The following ATL2 variants were observed in gnomAD, a reference collection of about 807,000 sequenced individuals.
The protein encoded by ATL2 is atlastin GTPase 2, also known as atlastin-2.
A neutral mutation model predicts 73.9 loss-of-function variants in ATL2; 31 were observed. That is an observed-to-expected ratio of 0.42 (90% CI 0.32 to 0.57). The LOEUF is 0.57. Among genes scored for constraint, ATL2 ranks in the 20% least tolerant of loss-of-function variants. The pLI, the probability that ATL2 is intolerant of heterozygous loss-of-function variation, is 0.14. For synonymous variants in ATL2, 291 were observed against 237.5 expected, an observed-to-expected ratio of 1.23 and a Z score of -2.07; for missense variants, 738 against 702.6, an observed-to-expected ratio of 1.05 and a Z score of -0.57.
chr2:38,368,248 T>G (rs113063028), intron 1 of ATL2, among the ~76,000 whole-genome samples: 18,329 of 83,792 alleles, frequency 0.22, 3,262 homozygotes, highest in African/African-American at 0.56. Context: ...AAATAAGGAC[T>G]TTTTTTTTTT....
chr2:38,307,470 G>C (rs572410818), intron 9 of ATL2, among the ~76,000 whole-genome samples: 10 of 151,420 alleles, frequency 6.6e-5, no homozygotes, highest in African/African-American at 2.4e-4. Context: ...CTGCAGTCCA[G>C]CCTGGGTGAC....
chr2:38,371,796 C>A (rs1671704551), intron 1 of ATL2, among the ~76,000 whole-genome samples: 1 of 151,946 alleles, frequency 6.6e-6, no homozygotes, highest in African/African-American at 2.4e-5. Context: ...TACTCAGGGG[C>A]TGAGGCACAA....
At chr2:38,311,579 T>C (rs193202173) in intron 7 of ATL2, among the ~76,000 whole-genome samples, 347 of 152,156 alleles carry the variant, frequency 2.3e-3, no homozygotes, top group African/African-American at 8.0e-3. Context: ...AAACATAATA[T>C]TGGGTAAAAA....
At chr2:38,341,830 T>C (rs1669737783) in intron 2 of ATL2, among the ~76,000 whole-genome samples, 3 of 152,220 alleles carry the variant, frequency 2.0e-5, no homozygotes, top group Non-Finnish European at 2.9e-5. Context: ...TGAGAATGTT[T>C]ACCTTATTTC....
rs1299052670 is a variant in ATL2 at position 38,294,170 on chromosome 2, G to A, written c.*1824C>T. Among the ~76,000 whole-genome samples, 1 of 152,202 alleles carries A rather than the reference G, an allele frequency of 6.6e-6. No individual in the cohort carries two copies. The highest frequency in any genetic ancestry group is 2.4e-5 in the African/African-American group (1 of 41,450). ...ATCCATATAAAAACAGAATCTGAAT[G>A]GGAGTGGGAGCGAAGATGTATCAAC... On this transcript the variant is annotated 3_prime_UTR_variant, in exon 13 of 13. Coordinates refer to ENST00000378954, the MANE Select transcript of ATL2 (RefSeq NM_001135673.4).
intron 2 of ATL2, among the ~76,000 whole-genome samples, chr2:38,326,175 C>T (rs75760404): frequency 0.035 from 5,317 of 152,256 alleles, 122 homozygotes; most frequent in African/African-American, 0.06. Context: ...AATATAATGA[C>T]AGTGGATTAC....
rs143757232 is a variant in ATL2, at chr2:38,312,244, T to C, written c.804+907A>G. 2.3e-3 allele frequency among the ~76,000 whole-genome samples: 356 copies of C among 152,248 alleles called. 2 individuals carry two copies. The highest frequency in any genetic ancestry group is 8.3e-3 in the African/African-American group (344 of 41,532). ...GCTCTATGTCCCCACCCAAATCTCA[T>C]CTCAAATTGTAATGCCCATGTGTCG... On this transcript the variant is annotated intron_variant, in intron 7 of 12. Transcript: ENST00000378954.
intron 2 of ATL2, among the ~76,000 whole-genome samples, chr2:38,325,528 C>T (rs1263473492): frequency 8.6e-5 from 13 of 151,824 alleles, no homozygotes; most frequent in South Asian, 2.1e-4. Flanking sequence ...AAAGTAATTA[C>T]GGAAGAAAGT....
intron 2 of ATL2, among the ~76,000 whole-genome samples, chr2:38,327,536 A>G (rs866762530): frequency 1.3e-4 from 15 of 118,830 alleles, no homozygotes; most frequent in African/African-American, 6.5e-4. Context: ...AAAAAAAAAA[A>G]GTACAAAAAA....
chr2:38,299,122 AAAGGGG>A, intron 11 of ATL2, 128 bp downstream of exon 11: 1 of 746,544 alleles, frequency 1.3e-6, no homozygotes, highest in Non-Finnish European at 1.9e-6. Flanking sequence ...CAAAGACCAT[AAAGGGG>A]AATTAGGGAA....
At chr2:38,345,120 C>G (rs1422511782) in intron 1 of ATL2, among the ~76,000 whole-genome samples, 1 of 152,114 alleles carries the variant, frequency 6.6e-6, no homozygotes, top group Non-Finnish European at 1.5e-5. Flanking sequence ...ACTAGTTACT[C>G]CTGGGGACCT....
intron 2 of ATL2, among the ~76,000 whole-genome samples, chr2:38,342,170 T>G (rs761385900): frequency 6.6e-6 from 1 of 152,026 alleles, no homozygotes; most frequent in Non-Finnish European, 1.5e-5. Context: ...GATAGGTAAG[T>G]AGCAATTGTC....
chr2:38,341,569 T>C (rs539956890), intron 2 of ATL2, among the ~76,000 whole-genome samples: 2 of 152,170 alleles, frequency 1.3e-5, no homozygotes, highest in Admixed American at 6.5e-5. Context: ...GCAGAGGAGG[T>C]TGGGCTGCAG....
At chr2:38,351,912 G>A (rs1465409994) in intron 1 of ATL2, among the ~76,000 whole-genome samples, 1 of 151,768 alleles carries the variant, frequency 6.6e-6, no homozygotes, top group Non-Finnish European at 1.5e-5. Flanking sequence ...AGGAGTTTGA[G>A]ACCAGCCTGG....
At chr2:38,371,324 C>G (rs1185991350) in intron 1 of ATL2, among the ~76,000 whole-genome samples, 2 of 151,918 alleles carry the variant, frequency 1.3e-5, no homozygotes, top group Admixed American at 6.6e-5. Flanking sequence ...CTGGACAACA[C>G]AGGGAGACCA....
chr2:38,357,557 C>A (rs188588283), intron 1 of ATL2, among the ~76,000 whole-genome samples: 1 of 143,238 alleles, frequency 7.0e-6, no homozygotes, highest in Admixed American at 7.3e-5. Flanking sequence ...GAGGCTGAGG[C>A]AGAAGAATCG....
chr2:38,296,496 T>C, intron 12 of ATL2: 1 of 1,612,940 alleles, frequency 6.2e-7, no homozygotes, highest in Non-Finnish European at 8.5e-7. Context: ...ATTTTTCTTC[T>C]TGTTATTGTT....
intron 2 of ATL2, among the ~76,000 whole-genome samples, chr2:38,334,801 G>C (rs888683951): frequency 5.1e-5 from 6 of 118,672 alleles, no homozygotes; most frequent in African/African-American, 1.8e-4. Context: ...TGTTACATAA[G>C]TTCTATAGTT....
In ATL2 at chr2:38,295,737, A is replaced by G; in HGVS notation, c.*257T>C. The G allele has an allele frequency of 3.7e-6, 1 of 272,884 alleles. No individual in the cohort carries two copies. The highest frequency in any genetic ancestry group is 6.9e-6 in the Non-Finnish European group (1 of 145,530). 16.9% of individuals were successfully genotyped at this position (272,884 alleles called of 1,614,324 possible). ...CACTAACATTAGATTAAGTAAAAAG[A>G]AATAAAAGAGTTAAACATGGCACAA... On this transcript the variant is annotated 3_prime_UTR_variant, in exon 13 of 13. Transcript: ENST00000378954.
Sources: gnomAD v4.1 joint callset for allele counts (sites outside exome capture counted in the v4.1 genomes callset) on GRCh38, gnomAD v4.1.1 for gene constraint, MANE v1.5 for transcripts, NCBI Gene and HGNC (gene_info 2026-07-23, HGNC 2026-07-21) for gene names.